DGKI: variants seen among roughly 807,000 people sequenced by gnomAD.
DGKI encodes DAG kinase iota.
DGKI carries 55 observed loss-of-function variants against 147.5 expected under a neutral mutation model. The ratio of observed to expected loss-of-function variants is 0.37; its 90% confidence interval spans 0.30 to 0.47. The LOEUF (loss-of-function observed/expected upper bound fraction) is 0.47, where lower values mean the gene tolerates loss of function less well. DGKI is among the 20% of genes least tolerant of loss of function. DGKI has a pLI of 1.00. For missense variants in DGKI, 1,007 were observed against 1,323.8 expected (o/e 0.76, Z 3.71); for synonymous variants, 469 against 477.1 (o/e 0.98, Z 0.22).
intron 30 of DGKI, 126 bp downstream of exon 30, chr7:137,407,749 T>C (rs1812010584): frequency 8.0e-7 from 1 of 1,245,750 alleles, no homozygotes; most frequent in African/African-American, 1.5e-5. Flanking sequence ...GGGCAGAGTC[T>C]GCTAAAAGTT....
chr7:137,407,026 C>G lies in DGKI; in HGVS notation c.2920+849G>C, dbSNP rs142078967. On this transcript the variant is annotated intron_variant, in intron 30 of 32. Coordinates refer to ENST00000614521, the MANE Select transcript of DGKI (RefSeq NM_001321708.2). ...ATTTGGGTACAAAAGGAGTCAGCCA[C>G]AGGCTGACTGTCAGGGCTCAAAGAA... is the stretch of plus-strand genomic sequence containing the variant. Among the ~76,000 whole-genome samples, 10 of 151,372 alleles carry G rather than the reference C, an allele frequency of 6.6e-5. No homozygotes were observed. The East Asian group carries it at 1.8e-3, about 27-fold the overall frequency.
At chr7:137,553,899 T>TA (rs768972764) in intron 19 of DGKI, among the ~76,000 whole-genome samples, 16 of 152,316 alleles carry the variant, frequency 1.1e-4, no homozygotes, top group Non-Finnish European at 1.9e-4. Context: ...TCATGACAGA[T>TA]AAAATGTAAA....
In DGKI at chr7:137,597,894, T is replaced by C; in HGVS notation, c.1264A>G (p.Arg422Gly). Residue 422 changes from arginine to glycine, a missense_variant, in exon 12 of 33, where the codon AGG (arginine) becomes GGG (glycine). Arg to Gly is a moderately radical substitution (Grantham distance 125). Coordinates refer to ENST00000614521, the MANE Select transcript of DGKI (RefSeq NM_001321708.2). ...EGPKDALELY[R>G]KVPNLRILAC... ...AGAATTCGCAGATTTGGTACTTTCC[T>C]ATACAATTCAAGCCTGTAGAGGAAA... 1 of 1,613,792 alleles carries C rather than the reference T, an allele frequency of 6.2e-7. No individual in the cohort carries two copies. Among genetic ancestry groups the C allele is most frequent in the Non-Finnish European group, 8.5e-7 (1 of 1,179,864 alleles).
chr7:137,829,569 T>C (rs1798160683), intron 1 of DGKI, among the ~76,000 whole-genome samples: 1 of 152,232 alleles, frequency 6.6e-6, no homozygotes, highest in South Asian at 2.1e-4. Context: ...AGGCCCTTAT[T>C]TACTCAATGT....
intron 21 of DGKI, among the ~76,000 whole-genome samples, chr7:137,514,175 A>T (rs946322485): frequency 4.6e-5 from 7 of 152,064 alleles, no homozygotes; most frequent in Admixed American, 3.3e-4. Flanking sequence ...TTCTGTGTTT[A>T]TTTGTGGCCG....
At chr7:137,418,080 G>T (rs765656631) in intron 28 of DGKI, among the ~76,000 whole-genome samples, 1 of 152,158 alleles carries the variant, frequency 6.6e-6, no homozygotes, top group Non-Finnish European at 1.5e-5. Flanking sequence ...CAAAACAAAT[G>T]TCATCATGGA....
intron 15 of DGKI, among the ~76,000 whole-genome samples, chr7:137,578,651 G>C (rs1819070866): frequency 6.6e-6 from 1 of 152,110 alleles, no homozygotes; most frequent in South Asian, 2.1e-4. Flanking sequence ...TCTGTGGAGG[G>C]GAGCTCTCCA....
chr7:137,749,913 G>A (rs920733061), intron 1 of DGKI, among the ~76,000 whole-genome samples: 1 of 152,188 alleles, frequency 6.6e-6, no homozygotes, highest in Non-Finnish European at 1.5e-5. Flanking sequence ...AAGCCTATGG[G>A]TGGGATCCAG....
Position 137,483,688 on chromosome 7 carries a change from C to T in DGKI, c.2373+1686G>A, listed in dbSNP as rs573212558. On this transcript the variant is annotated intron_variant, in intron 23 of 32. Coordinates refer to ENST00000614521, the MANE Select transcript of DGKI (RefSeq NM_001321708.2). ...TTTAGCTACCACTTGTAAGTGACAA[C>T]ATGTGGTGTTTGGTTGTCTGTTCTT... Among the ~76,000 whole-genome samples the T allele has an allele frequency of 9.2e-5, 14 of 152,164 alleles. No homozygotes were observed. In the East Asian group the frequency reaches 2.7e-3, roughly 29 times the overall value.
At chr7:137,456,391 C>G (rs896535156) in intron 27 of DGKI, among the ~76,000 whole-genome samples, 1 of 152,014 alleles carries the variant, frequency 6.6e-6, no homozygotes, top group Non-Finnish European at 1.5e-5. Context: ...TAAATAGACA[C>G]GTATTTATTT....
intron 17 of DGKI, 44 bp downstream of exon 17, chr7:137,577,178 C>A: frequency 7.2e-7 from 1 of 1,386,512 alleles, no homozygotes; most frequent in South Asian, 1.2e-5. Flanking sequence ...TTGTGGCAGT[C>A]ATATCATATT....
rs74662029 is a variant in DGKI at position 137,477,952 on chromosome 7, C to T, written c.2373+7422G>A. 7.6e-3 allele frequency among the ~76,000 whole-genome samples: 1,160 copies of T among 152,286 alleles called. 15 individuals carry two copies. Among genetic ancestry groups the T allele is most frequent in the African/African-American group, 0.026 (1,094 of 41,570 alleles). On this transcript the variant is annotated intron_variant, in intron 23 of 32. Transcript: ENST00000614521. ...CTGAGATCACAGGCATGAGCCACTG[C>T]GCCCAGCTACATTTGTATTTTTAAA...
chr7:137,494,889 T>C (rs1451262193), intron 21 of DGKI, among the ~76,000 whole-genome samples: 1 of 152,084 alleles, frequency 6.6e-6, no homozygotes, highest in Non-Finnish European at 1.5e-5. Context: ...AGTTAGATAA[T>C]GACACAAGAC....
At chr7:137,598,986 C>T (rs930904732) in intron 11 of DGKI, among the ~76,000 whole-genome samples, 3 of 152,190 alleles carry the variant, frequency 2.0e-5, no homozygotes, top group South Asian at 2.1e-4. Flanking sequence ...AATCTGCATG[C>T]TTAAAATAAG....
chr7:137,604,681 G>A (rs189453307), intron 10 of DGKI, among the ~76,000 whole-genome samples: 14 of 149,774 alleles, frequency 9.3e-5, no homozygotes, highest in Non-Finnish European at 1.8e-4. Flanking sequence ...TGGCTCTCAG[G>A]GATGATCAGA....
At chr7:137,728,261 G>A (rs2116648977) in intron 1 of DGKI, among the ~76,000 whole-genome samples, 1 of 152,216 alleles carries the variant, frequency 6.6e-6, no homozygotes, top group South Asian at 2.1e-4. Context: ...AGGAAAGCCA[G>A]GGTCCTCCTG....
chr7:137,590,729 A>T (rs990336950), intron 12 of DGKI, among the ~76,000 whole-genome samples: 2 of 151,854 alleles, frequency 1.3e-5, no homozygotes, highest in Non-Finnish European at 2.9e-5. Flanking sequence ...ACAGAGTTTC[A>T]CTCTGTTGTC....
At chr7:137,547,624 T>G (rs1379131260) in intron 20 of DGKI, among the ~76,000 whole-genome samples, 2 of 152,178 alleles carry the variant, frequency 1.3e-5, no homozygotes, top group African/African-American at 4.8e-5. Flanking sequence ...AATGGATTCA[T>G]GTGTGAGTCG....
In DGKI at chr7:137,472,743, G is replaced by A. The variant is rs187810778; in HGVS notation, c.2374-3124C>T. ...TAATTATAGATCAAGACATTTGGAA[G>A]TGATTCAAAATATTTAGTGGCAACT... On this transcript the variant is annotated intron_variant, in intron 23 of 32. Coordinates refer to ENST00000614521, the MANE Select transcript of DGKI (RefSeq NM_001321708.2). 3.1e-3 allele frequency among the ~76,000 whole-genome samples: 470 copies of A among 151,968 alleles called. 3 individuals carry two copies. Among genetic ancestry groups the A allele is most frequent in the Admixed American group, 6.7e-3 (102 of 15,234 alleles).
Sources: gnomAD v4.1 joint callset for allele counts (sites outside exome capture counted in the v4.1 genomes callset) on GRCh38, gnomAD v4.1.1 for gene constraint, MANE v1.5 for transcripts, NCBI Gene and HGNC (gene_info 2026-07-23, HGNC 2026-07-21) for gene names.